Variants in ST7L observed in about 807,000 individuals in gnomAD.
The protein encoded by ST7L is suppressor of tumorigenicity 7 protein-like.
In ST7L, 57 loss-of-function variants were observed where a neutral mutation model predicts 72.5. The observed-to-expected ratio is 0.79, with a 90% CI of 0.64 to 0.98. ST7L has a LOEUF of 0.98. Ranked by LOEUF, ST7L falls within the 50% of genes least tolerant of loss-of-function variation. The pLI is 0.00. For missense variants in ST7L, 576 were observed against 672.2 expected (o/e 0.86, Z 1.58); for synonymous variants, 221 against 240.9 (o/e 0.92, Z 0.77).
downstream of ST7L, chr1:112,521,326 T>TTTTTTTTTTTTTTTTC (rs1652868582): frequency 6.6e-6 from 1 of 150,982 alleles, no homozygotes; most frequent in African/African-American, 2.4e-5. Flanking sequence ...TTTTTTTTTT[T>TTTTTTTTTTTTTTTTC]TTTTTCTTTT....
At position 112,600,819 on chromosome 1, in the gene ST7L, G is replaced by A. The variant is rs144855145; in HGVS notation, c.481C>T (p.Leu161Phe). The A allele has an allele frequency of 2.9e-4, 460 of 1,610,750 alleles. 1 individual carries two copies. The African/African-American group carries it at 5.5e-3, about 19-fold the overall frequency. ...CTCCTATATTCTGCTCCTCTGAAAA[G>A]ATTTAGAGGGTTTCTCCATACCTTA... ...ECKVWRNPLN[L>F]FRGAEYRRYT... The change falls in exon 4 of 15, where the codon CTT becomes TTT. Residue 161 changes from leucine (L) to phenylalanine (F), a missense_variant. Transcript: ENST00000358039.
downstream of ST7L, chr1:112,521,786 G>C (rs1652895961): frequency 6.6e-6 from 1 of 152,192 alleles, no homozygotes; most frequent in South Asian, 2.1e-4. Flanking sequence ...TAGTAAGCTG[G>C]AGGTAGGACA....
intron 13 of ST7L, among the ~76,000 whole-genome samples, chr1:112,545,653 T>C (rs1557956375): frequency 6.6e-6 from 1 of 152,232 alleles, no homozygotes; most frequent in African/African-American, 2.4e-5. Context: ...TACTCCTCAC[T>C]TGGAAATTTC....
At chr1:112,608,421 T>C (rs1168518870) in intron 3 of ST7L, among the ~76,000 whole-genome samples, 1 of 152,182 alleles carries the variant, frequency 6.6e-6, no homozygotes, top group Admixed American at 6.5e-5. Context: ...GTCACCATAG[T>C]ATCTTATATA....
intron 5 of ST7L, among the ~76,000 whole-genome samples, chr1:112,596,402 T>C (rs1666487318): frequency 6.6e-6 from 1 of 152,214 alleles, no homozygotes; most frequent in East Asian, 1.9e-4. Flanking sequence ...GTTTGAAACA[T>C]GGTTTTATCA....
chr1:112,569,716 T>C (rs1358152188), intron 11 of ST7L, among the ~76,000 whole-genome samples: 1 of 152,198 alleles, frequency 6.6e-6, no homozygotes, highest in African/African-American at 2.4e-5. Context: ...CCCATGACTA[T>C]GGGAGGCCGA....
At chr1:112,547,901 G>C (rs1413515209) in intron 13 of ST7L, among the ~76,000 whole-genome samples, 1 of 151,992 alleles carries the variant, frequency 6.6e-6, no homozygotes, top group Non-Finnish European at 1.5e-5. Context: ...TAGCAGCCTA[G>C]GAGTTCAGAA....
chr1:112,538,295 T>A (rs937484604), intron 14 of ST7L, among the ~76,000 whole-genome samples: 1 of 152,180 alleles, frequency 6.6e-6, no homozygotes, highest in African/African-American at 2.4e-5. Context: ...ACCTGAAACA[T>A]TTCTTCACCT....
At chr1:112,553,580 TTTC>T (rs1658613756) in intron 12 of ST7L, among the ~76,000 whole-genome samples, 1 of 152,212 alleles carries the variant, frequency 6.6e-6, no homozygotes, top group South Asian at 2.1e-4. Context: ...ATAAATCAAT[TTTC>T]TTATTTCATT....
chr1:112,558,568 A>C (rs1027062317), intron 11 of ST7L, among the ~76,000 whole-genome samples: 3 of 152,292 alleles, frequency 2.0e-5, no homozygotes, highest in Non-Finnish European at 4.4e-5. Flanking sequence ...CTCTGTTCTC[A>C]AAGTGTAAGA....
At chr1:112,562,743 C>G (rs1660378338) in intron 11 of ST7L, among the ~76,000 whole-genome samples, 1 of 152,058 alleles carries the variant, frequency 6.6e-6, no homozygotes, top group African/African-American at 2.4e-5. Context: ...AGGTGTAATA[C>G]TAAAAGGTTG....
intron 13 of ST7L, among the ~76,000 whole-genome samples, chr1:112,543,332 G>A (rs564866278): frequency 3.3e-5 from 5 of 151,916 alleles, no homozygotes; most frequent in Non-Finnish European, 2.9e-5. Context: ...GGTGGATCAC[G>A]AGGTCAGGAG....
intron 2 of ST7L, among the ~76,000 whole-genome samples, chr1:112,616,279 T>G (rs984742707): frequency 1.3e-5 from 2 of 152,122 alleles, no homozygotes; most frequent in Non-Finnish European, 2.9e-5. Context: ...CTGACTACAG[T>G]TTACAATAAG....
intron 14 of ST7L, among the ~76,000 whole-genome samples, chr1:112,538,446 G>C (rs1446089035): frequency 6.6e-6 from 1 of 152,070 alleles, no homozygotes; most frequent in African/African-American, 2.4e-5. Context: ...AGGCTCAAGC[G>C]ATCCTCCCAT....
At chr1:112,537,767 C>T (rs1655448109) in intron 14 of ST7L, among the ~76,000 whole-genome samples, 1 of 152,168 alleles carries the variant, frequency 6.6e-6, no homozygotes. Context: ...TTTTTCATTG[C>T]TCTGTGTCTA....
At chr1:112,608,494 C>G (rs1310859112) in intron 3 of ST7L, among the ~76,000 whole-genome samples, 2 of 152,100 alleles carry the variant, frequency 1.3e-5, no homozygotes, top group African/African-American at 4.8e-5. Flanking sequence ...GTTAACCATA[C>G]TCTTTTACTG....
intron 11 of ST7L, among the ~76,000 whole-genome samples, chr1:112,574,521 T>C (rs1365251661): frequency 6.6e-6 from 1 of 151,022 alleles, no homozygotes; most frequent in South Asian, 2.1e-4. Flanking sequence ...TAGCCAGGCG[T>C]GGTGGCGGGC....
rs1656149384 is a variant in ST7L at position 112,541,832 on chromosome 1, A to G, written c.1629+119T>C. The G allele has an allele frequency of 4.1e-6, 6 of 1,468,140 alleles. No homozygotes were observed. In the South Asian group the frequency reaches 4.7e-5, roughly 11 times the overall value. The allele number at this position is 1,468,140 out of a possible 1,614,324, so 90.9% of individuals were successfully genotyped here. ...TATGGCAGCAACTATATACAAATCAATTCCTTTAATTTACAACAAATATCT... is the reference window on the plus strand; with the variant it reads ...TATGGCAGCAACTATATACAAATCAGTTCCTTTAATTTACAACAAATATCT... On this transcript the variant is annotated intron_variant, in intron 14 of 14. Transcript: ENST00000358039.
At chr1:112,614,992 A>T (rs1669642951) in intron 2 of ST7L, among the ~76,000 whole-genome samples, 2 of 152,120 alleles carry the variant, frequency 1.3e-5, no homozygotes, top group South Asian at 4.1e-4. Context: ...AATTAAAGTT[A>T]AACAGTTTTG....
Sources: allele counts gnomAD v4.1 joint callset (sites outside exome capture counted in the v4.1 genomes callset), GRCh38; gene constraint gnomAD v4.1.1; transcripts MANE v1.5; gene names NCBI Gene and HGNC (gene_info 2026-07-23, HGNC 2026-07-21).